Variants in NCOA1 observed in about 807,000 individuals in gnomAD.
The protein encoded by NCOA1 is Hin-2 protein.
In NCOA1, 35 loss-of-function variants were observed where a neutral mutation model predicts 150.9. The ratio of observed to expected loss-of-function variants is 0.23; its 90% CI spans 0.18 to 0.31. The LOEUF is 0.31. Ranked by LOEUF, NCOA1 falls within the 10% of genes least tolerant of loss-of-function variation. The pLI is 1.00. For synonymous variants in NCOA1, 590 were observed against 630.0 expected, an observed-to-expected ratio of 0.94 and a Z score of 0.95; for missense variants, 1,491 against 1,749.3, an observed-to-expected ratio of 0.85 and a Z score of 2.63.
intron 1 of NCOA1, among the ~76,000 whole-genome samples, chr2:24,496,935 A>G (rs186658979): frequency 4.4e-4 from 67 of 152,222 alleles, no homozygotes; most frequent in African/African-American, 1.6e-3. Flanking sequence ...AAAGGTATTA[A>G]TTAGGAATTA....
chr2:24,661,856 T>A (rs1029388619), intron 5 of NCOA1, among the ~76,000 whole-genome samples: 1 of 152,218 alleles, frequency 6.6e-6, no homozygotes, highest in African/African-American at 2.4e-5. Flanking sequence ...AATCTTCTTA[T>A]GTGTTTTAAT....
chr2:24,527,511 T>C (rs1664700193), intron 1 of NCOA1, among the ~76,000 whole-genome samples: 1 of 152,222 alleles, frequency 6.6e-6, no homozygotes, highest in Non-Finnish European at 1.5e-5. Flanking sequence ...GCTTACATAA[T>C]ATTCCACTGT....
intron 3 of NCOA1, among the ~76,000 whole-genome samples, chr2:24,595,430 A>AT (rs1343246580): frequency 6.6e-6 from 1 of 152,126 alleles, no homozygotes; most frequent in African/African-American, 2.4e-5. Flanking sequence ...TTGAGATGAA[A>AT]TATCTGTAGC....
intron 6 of NCOA1, among the ~76,000 whole-genome samples, chr2:24,668,425 G>A (rs1671530929): frequency 6.6e-6 from 1 of 151,632 alleles, no homozygotes. Context: ...CAAGAGAGAA[G>A]AAAAAACAGG....
chr2:24,579,682 G>A (rs1167879772), intron 2 of NCOA1, among the ~76,000 whole-genome samples: 1 of 152,176 alleles, frequency 6.6e-6, no homozygotes, highest in Admixed American at 6.5e-5. Context: ...AGCAGAAAGT[G>A]GCTGCTAACA....
intron 1 of NCOA1, 191 bp downstream of exon 1, chr2:24,491,793 T>G (rs1662972018): frequency 1.3e-5 from 2 of 150,544 alleles, no homozygotes; most frequent in Admixed American, 1.3e-4. Flanking sequence ...GGGGCGGAGG[T>G]CGCAGCTGTC....
intron 8 of NCOA1, among the ~76,000 whole-genome samples, chr2:24,685,960 A>T (rs763815825): frequency 6.6e-6 from 1 of 152,000 alleles, no homozygotes; most frequent in Non-Finnish European, 1.5e-5. Flanking sequence ...ATTGAGGCAA[A>T]TTTTTTTATA....
At chr2:24,522,664 A>G (rs1010458365) in intron 1 of NCOA1, among the ~76,000 whole-genome samples, 1 of 152,208 alleles carries the variant, frequency 6.6e-6, no homozygotes, top group African/African-American at 2.4e-5. Context: ...AGTAATCAAA[A>G]TGTATGTCAA....
At chr2:24,749,598 G>A (rs1031727382) in intron 19 of NCOA1, among the ~76,000 whole-genome samples, 3 of 152,202 alleles carry the variant, frequency 2.0e-5, no homozygotes, top group Non-Finnish European at 4.4e-5. Flanking sequence ...TGCCTCGGTA[G>A]TGGGGCAAAA....
At chr2:24,634,893 G>A (rs1669873921) in intron 3 of NCOA1, among the ~76,000 whole-genome samples, 1 of 151,986 alleles carries the variant, frequency 6.6e-6, no homozygotes, top group South Asian at 2.1e-4. Context: ...TTTTTAAATT[G>A]TTTTGTAGAG....
chr2:24,716,495 A>G (rs914692673), intron 14 of NCOA1, among the ~76,000 whole-genome samples: 5 of 152,188 alleles, frequency 3.3e-5, no homozygotes, highest in Admixed American at 6.5e-5. Context: ...CTGAACATCT[A>G]TGTAGAAAAA....
intron 3 of NCOA1, among the ~76,000 whole-genome samples, chr2:24,634,646 G>A (rs1669852697): frequency 6.6e-6 from 1 of 150,910 alleles, no homozygotes; most frequent in African/African-American, 2.4e-5. Flanking sequence ...ATAGCTGTGG[G>A]GGTTTATTAA....
At chr2:24,705,368 T>TAA in intron 12 of NCOA1, 135 bp downstream of exon 12, 1 of 782,090 alleles carries the variant, frequency 1.3e-6, no homozygotes, top group East Asian at 2.6e-5. Flanking sequence ...TGAGTATATA[T>TAA]AATCAATATA....
At chr2:24,647,036 A>G (rs761287623) in intron 4 of NCOA1, among the ~76,000 whole-genome samples, 46 of 152,178 alleles carry the variant, frequency 3.0e-4, no homozygotes, top group Non-Finnish European at 5.7e-4. Context: ...GATTCGCTAT[A>G]TGAATAACTT....
chr2:24,598,673 G>T (rs977319499), intron 3 of NCOA1, among the ~76,000 whole-genome samples: 1 of 151,948 alleles, frequency 6.6e-6, no homozygotes, highest in Non-Finnish European at 1.5e-5. Flanking sequence ...TGTTTAGCTG[G>T]AGAATTAAAA....
At chr2:24,526,921 A>G (rs1472267572) in intron 1 of NCOA1, among the ~76,000 whole-genome samples, 1 of 152,196 alleles carries the variant, frequency 6.6e-6, no homozygotes, top group African/African-American at 2.4e-5. Flanking sequence ...AACTATTTAC[A>G]TAGTGTTTAC....
intron 9 of NCOA1, among the ~76,000 whole-genome samples, chr2:24,692,325 A>G (rs542835135): frequency 1.3e-5 from 2 of 152,344 alleles, no homozygotes; most frequent in Non-Finnish European, 1.5e-5. Context: ...AAACGGAGGT[A>G]ACAATCAACT....
intron 13 of NCOA1, among the ~76,000 whole-genome samples, chr2:24,708,899 G>T (rs1673595025): frequency 6.6e-6 from 1 of 152,102 alleles, no homozygotes; most frequent in Non-Finnish European, 1.5e-5. Flanking sequence ...TCTTCTTTCT[G>T]TGCCCACTGA....
chr2:24,570,006 T>C (rs1159557638), intron 2 of NCOA1, among the ~76,000 whole-genome samples: 1 of 151,466 alleles, frequency 6.6e-6, no homozygotes, highest in Non-Finnish European at 1.5e-5. Context: ...CTTTTTTCAA[T>C]TTCTCAAGTT....
Sources: gnomAD v4.1 joint callset for allele counts (sites outside exome capture counted in the v4.1 genomes callset) on GRCh38, gnomAD v4.1.1 for gene constraint, MANE v1.5 for transcripts, NCBI Gene and HGNC (gene_info 2026-07-23, HGNC 2026-07-21) for gene names.